RBM33: variants seen among roughly 807,000 people sequenced by gnomAD.
RBM33 encodes the protein RNA-binding protein 33.
Under a neutral mutation model 132.6 loss-of-function variants are expected in RBM33, and 28 were observed. The ratio of observed to expected loss-of-function variants is 0.21; its 90% CI spans 0.16 to 0.29. The LOEUF (loss-of-function observed/expected upper bound fraction) is 0.29, where lower values mean the gene tolerates loss of function less well. Among genes scored for constraint, RBM33 ranks in the 10% least tolerant of loss-of-function variants. The probability of loss-of-function intolerance (pLI) is 1.00; values close to 1 mark genes in which losing one functional copy is unlikely to be tolerated. For synonymous variants in RBM33, 634 were observed against 593.0 expected (o/e 1.07, Z -1.01); for missense variants, 1,291 against 1,518.5 (o/e 0.85, Z 2.49).
rs1187247555 is a variant in RBM33, at chr7:155,777,560, C to G, written c.*2519C>G. 4.6e-5 allele frequency: 7 copies of G among 152,380 alleles called. No individual in the cohort carries two copies. The highest frequency in any genetic ancestry group is 1.0e-4 in the Non-Finnish European group (7 of 68,036). 9.4% of individuals were successfully genotyped at this position (152,380 alleles called of 1,614,324 possible). A position where few individuals can be genotyped will look rare whatever the true frequency, so the allele number is the denominator to read the frequency against. ...CTGCTCACGTGAAGTCAGCCCACAC[C>G]AGCCAAACCCTCGTGGAAGATCTGC... On this transcript the variant is annotated 3_prime_UTR_variant, in exon 18 of 18. Transcript: ENST00000401878.
intron 16 of RBM33, among the ~76,000 whole-genome samples, chr7:155,767,555 T>C (rs1310865858): frequency 6.6e-6 from 1 of 152,262 alleles, no homozygotes; most frequent in African/African-American, 2.4e-5. Context: ...GTACATGTTT[T>C]AGATCTCCAT....
At chr7:155,717,914 C>G (rs73737005) in intron 8 of RBM33, among the ~76,000 whole-genome samples, 3,765 of 152,176 alleles carry the variant, frequency 0.025, 143 homozygotes, top group African/African-American at 0.085. Context: ...TCTCCAATTC[C>G]TGGGATGTGC....
intron 9 of RBM33, among the ~76,000 whole-genome samples, chr7:155,722,585 A>G (rs918875839): frequency 6.6e-6 from 1 of 152,174 alleles, no homozygotes; most frequent in Non-Finnish European, 1.5e-5. Context: ...CTTATCCATA[A>G]AGTATATTTT....
intron 2 of RBM33, among the ~76,000 whole-genome samples, chr7:155,665,848 A>C (rs1317896366): frequency 6.6e-6 from 1 of 152,174 alleles, no homozygotes; most frequent in East Asian, 1.9e-4. Context: ...AGAAATACAC[A>C]GTGGGGCTTA....
intron 5 of RBM33, among the ~76,000 whole-genome samples, chr7:155,697,175 A>C (rs746830191): frequency 1.1e-4 from 16 of 151,630 alleles, no homozygotes; most frequent in Non-Finnish European, 1.8e-4. Context: ...AAGCAACTTA[A>C]GCCCCACCTC....
intron 5 of RBM33, among the ~76,000 whole-genome samples, chr7:155,698,328 CT>C (rs1366500955): frequency 1.3e-5 from 2 of 151,866 alleles, no homozygotes; most frequent in African/African-American, 4.8e-5. Context: ...GATCGCACCA[CT>C]GCACTCCAGC....
chr7:155,693,949 C>T (rs190573823), intron 5 of RBM33, among the ~76,000 whole-genome samples: 4 of 152,076 alleles, frequency 2.6e-5, no homozygotes, highest in African/African-American at 2.4e-5. Context: ...GCCACATATC[C>T]GTCTGTTTTG....
chr7:155,665,061 G>T (rs190463365), intron 1 of RBM33, 114 bp from the exon 2 acceptor site: 2 of 753,162 alleles, frequency 2.7e-6, no homozygotes, highest in Admixed American at 4.8e-5. Context: ...TGAAACTTTT[G>T]TAATTTAAAA....
rs751252763 is a variant in RBM33, at chr7:155,711,229, G to A, written c.975G>A (p.Pro325=). The change falls in exon 8 of 18, where the codon CCG becomes CCA. Residue 325 remains proline (P), a synonymous_variant. Coordinates refer to ENST00000401878, the MANE Select transcript of RBM33 (RefSeq NM_053043.3). The part of the protein sequence containing the change: ...VVPQAPPPPP[P]PPQQQPIRSL... ...CCCAGGCTCCCCCTCCACCGCCACC[G>A]CCGCCTCAGCAGCAGCCGATCAGAA... 3.1e-5 allele frequency: 49 copies of A among 1,578,600 alleles called. No individual in the cohort carries two copies. Among genetic ancestry groups the A allele is most frequent in the African/African-American group, 4.1e-5 (3 of 72,374 alleles).
rs1015298505 is a variant in RBM33 at position 155,778,204 on chromosome 7, A to G, written c.*3163A>G. 6 of 152,552 alleles carry G rather than the reference A, an allele frequency of 3.9e-5. No homozygotes were observed. The highest frequency in any genetic ancestry group is 2.6e-4 in the Admixed American group (4 of 15,280). 9.4% of individuals were successfully genotyped at this position (152,552 alleles called of 1,614,324 possible). A position where few individuals can be genotyped will look rare whatever the true frequency, so the allele number is the denominator to read the frequency against. ...ATGGGGCGGGAGGTGGCTTCACCATAACTATTTTTAATATGGGTCATTCTT... is the reference window on the plus strand; with the variant it reads ...ATGGGGCGGGAGGTGGCTTCACCATGACTATTTTTAATATGGGTCATTCTT... On this transcript the variant is annotated 3_prime_UTR_variant, in exon 18 of 18. Coordinates refer to ENST00000401878, the MANE Select transcript of RBM33 (RefSeq NM_053043.3). This position sits in a 1 kb window ranked among gnomAD's most constrained non-coding sequence, Gnocchi z 4.0.
intron 11 of RBM33, chr7:155,739,360 G>A (rs574213969): frequency 7.3e-5 from 13 of 178,404 alleles, no homozygotes; most frequent in African/African-American, 2.8e-4. Context: ...AGTGCTGTAT[G>A]CGGTTCCCTT....
intron 2 of RBM33, among the ~76,000 whole-genome samples, chr7:155,667,035 A>T (rs1010390611): frequency 2.0e-4 from 30 of 152,114 alleles, no homozygotes; most frequent in African/African-American, 7.0e-4. Flanking sequence ...TTGTCAACTT[A>T]TGTTGTCATT....
Position 155,745,744 on chromosome 7 carries a change from G to A in RBM33, c.2979+142G>A. The A allele has an allele frequency of 1.2e-6, 1 of 853,040 alleles. No homozygotes were observed. The highest frequency in any genetic ancestry group is 1.9e-5 in the South Asian group (1 of 52,696). The allele number at this position is 853,040 out of a possible 1,614,324, so 52.8% of individuals were successfully genotyped here. A position where few individuals can be genotyped will look rare whatever the true frequency, so the allele number is the denominator to read the frequency against. ...AACCAATCTCTACCTACTTGAAGTT[G>A]GTATAAGAATTGCCGCTTGACGACA... On this transcript the variant is annotated intron_variant, in intron 14 of 17. Coordinates refer to ENST00000401878, the MANE Select transcript of RBM33 (RefSeq NM_053043.3). This position sits in a 1 kb window ranked among gnomAD's most constrained non-coding sequence, Gnocchi z 4.1.
chr7:155,745,303 G>C lies in RBM33; in HGVS notation c.2680G>C (p.Val894Leu). 1 of 1,612,896 alleles carries C rather than the reference G, an allele frequency of 6.2e-7. No individual in the cohort carries two copies. The highest frequency in any genetic ancestry group is 8.5e-7 in the Non-Finnish European group (1 of 1,179,376). ...CGTTCAGCCCAAAACATCCAATTTT[G>C]TACCATCCAGTGCCAACATGCAGTA... Reference protein sequence around the residue: ...SNVQPKTSNFVPSSANMQYQG... With the variant: ...SNVQPKTSNFLPSSANMQYQG... The change falls in exon 14 of 18, where the codon GTA becomes CTA. Residue 894 changes from valine (V) to leucine (L), a missense_variant. By Grantham distance (32) the Val-to-Leu change is conservative. This residue lies in a region of RBM33 where 841 missense variants were observed against 912.0 expected (regional missense o/e 0.92). Coordinates refer to ENST00000401878, the MANE Select transcript of RBM33 (RefSeq NM_053043.3). The surrounding 1 kb of genome is among the most constrained non-coding windows in gnomAD (Gnocchi z 4.1).
intron 5 of RBM33, among the ~76,000 whole-genome samples, chr7:155,681,898 CATG>C (rs1457991188): frequency 1.3e-5 from 2 of 150,706 alleles, no homozygotes; most frequent in Non-Finnish European, 2.9e-5. Context: ...TAGTTCCAGT[CATG>C]ATTGTATTTA....
intron 9 of RBM33, among the ~76,000 whole-genome samples, chr7:155,720,301 A>G (rs1291406955): frequency 6.6e-6 from 1 of 152,212 alleles, no homozygotes; most frequent in Non-Finnish European, 1.5e-5. Context: ...TGTTACAGTG[A>G]ACTTGGGGTA....
chr7:155,774,869 G>C lies in RBM33; in HGVS notation c.3465-124G>C. Reference sequence around the variant, plus strand: ...TTTAATAGATCTTCCCGGGGAATCTGCCTTTTTATATGATGCGTTTTTATT... The same window carrying C: ...TTTAATAGATCTTCCCGGGGAATCTCCCTTTTTATATGATGCGTTTTTATT... On this transcript the variant is annotated intron_variant, in intron 17 of 17. Transcript: ENST00000401878. The surrounding 1 kb of genome is among the most constrained non-coding windows in gnomAD (Gnocchi z 4.2). The C allele has an allele frequency of 1.1e-6, 1 of 884,876 alleles. No homozygotes were observed. The highest frequency in any genetic ancestry group is 1.8e-6 in the Non-Finnish European group (1 of 553,980). The allele number at this position is 884,876 out of a possible 1,614,324, so 54.8% of individuals were successfully genotyped here.
At chr7:155,767,362 G>T (rs1437418148) in intron 16 of RBM33, among the ~76,000 whole-genome samples, 5 of 152,252 alleles carry the variant, frequency 3.3e-5, no homozygotes, top group Non-Finnish European at 5.9e-5. Flanking sequence ...CGTGCGTCCC[G>T]TGGTGGGATC....
intron 1 of RBM33, among the ~76,000 whole-genome samples, chr7:155,661,405 CTT>C (rs1160345362): frequency 9.7e-5 from 13 of 133,722 alleles, no homozygotes; most frequent in African/African-American, 3.1e-4. Flanking sequence ...TTTTTTCTTT[CTT>C]TTTTTTTCTT....
Sources: gnomAD v4.1 joint callset for allele counts (sites outside exome capture counted in the v4.1 genomes callset) on GRCh38, gnomAD v4.1.1 for gene constraint, gnomAD v4.1.1 regional missense constraint, Gnocchi (gnomAD v3.1) non-coding constraint, MANE v1.5 for transcripts, NCBI Gene and HGNC (gene_info 2026-07-23, HGNC 2026-07-21) for gene names.